Variants in UNC5D observed in about 807,000 individuals in gnomAD.
UNC5D encodes netrin receptor UNC5D.
In UNC5D, 39 loss-of-function variants were observed where a neutral mutation model predicts 105.4. That is an observed-to-expected ratio of 0.37 (90% CI 0.29 to 0.48). The LOEUF is 0.48. Ranked by LOEUF, UNC5D falls within the 20% of genes least tolerant of loss-of-function variation. UNC5D has a pLI of 0.98. For missense variants in UNC5D, 991 were observed against 1,202.4 expected (o/e 0.82, Z 2.60); for synonymous variants, 452 against 450.4 (o/e 1.00, Z -0.04).
intron 1 of UNC5D, among the ~76,000 whole-genome samples, chr8:35,355,047 G>A (rs958688535): frequency 3.9e-5 from 6 of 152,094 alleles, no homozygotes; most frequent in Non-Finnish European, 5.9e-5. Context: ...GTCTCTTTAG[G>A]ACTTGACTGG....
intron 1 of UNC5D, among the ~76,000 whole-genome samples, chr8:35,468,742 C>T (rs1489873556): frequency 6.6e-6 from 1 of 152,314 alleles, no homozygotes. Flanking sequence ...TGATTGCAGT[C>T]ACATTTTGCC....
intron 1 of UNC5D, among the ~76,000 whole-genome samples, chr8:35,373,598 G>A (rs990723386): frequency 6.6e-6 from 1 of 152,118 alleles, no homozygotes. Flanking sequence ...TCATGCAGCC[G>A]AGGGGCTCCC....
At chr8:35,255,463 ATGT>A (rs1056349772) in intron 1 of UNC5D, 2 of 152,174 alleles carry the variant, frequency 1.3e-5, no homozygotes, top group African/African-American at 4.8e-5. Flanking sequence ...CAGGATGAGG[ATGT>A]TGTGTGGATA....
intron 3 of UNC5D, among the ~76,000 whole-genome samples, chr8:35,592,433 C>T (rs147959601): frequency 9.9e-5 from 15 of 152,206 alleles, no homozygotes; most frequent in African/African-American, 2.4e-4. Flanking sequence ...AGTTCCTGTC[C>T]GTTTCTTTCA....
intron 1 of UNC5D, among the ~76,000 whole-genome samples, chr8:35,327,631 G>T (rs148925727): frequency 5.8e-4 from 88 of 152,000 alleles, no homozygotes; most frequent in African/African-American, 2.1e-3. Flanking sequence ...TATCTGTTGT[G>T]GGGGGGGGAT....
intron 1 of UNC5D, among the ~76,000 whole-genome samples, chr8:35,351,901 G>A (rs956374241): frequency 2.0e-5 from 3 of 152,044 alleles, no homozygotes; most frequent in African/African-American, 7.2e-5. Flanking sequence ...ATAGAAGGTA[G>A]AAACATGCAT....
At chr8:35,617,151 AAAC>A (rs1487241500) in intron 4 of UNC5D, among the ~76,000 whole-genome samples, 1 of 152,140 alleles carries the variant, frequency 6.6e-6, no homozygotes, top group African/African-American at 2.4e-5. Flanking sequence ...TAAAACAGAT[AAAC>A]AACGGCCACA....
intron 9 of UNC5D, among the ~76,000 whole-genome samples, chr8:35,725,663 A>G (rs1227859808): frequency 6.6e-6 from 1 of 152,162 alleles, no homozygotes; most frequent in Non-Finnish European, 1.5e-5. Flanking sequence ...TATGAAATGC[A>G]CTGGAACCGA....
intron 1 of UNC5D, among the ~76,000 whole-genome samples, chr8:35,294,036 C>T (rs140726419): frequency 4.6e-5 from 7 of 152,214 alleles, no homozygotes; most frequent in South Asian, 2.1e-4. Context: ...TTCCTGACTT[C>T]GGGGATAAAG....
chr8:35,350,491 A>G (rs968872763), intron 1 of UNC5D, among the ~76,000 whole-genome samples: 8 of 151,992 alleles, frequency 5.3e-5, no homozygotes, highest in African/African-American at 1.4e-4. Flanking sequence ...AATAATTTTC[A>G]TGAATAAAAC....
intron 13 of UNC5D, 45 bp from the exon 14 acceptor site, chr8:35,759,258 GGAAATATGTAAGTAGCA>G: frequency 3.2e-6 from 5 of 1,576,474 alleles, no homozygotes; most frequent in Non-Finnish European, 4.3e-6. Context: ...TCCCTAGATA[GGAAATATGTAAGTAGCA>G]GGATATTTCA....
At chr8:35,368,045 G>A (rs113467831) in intron 1 of UNC5D, among the ~76,000 whole-genome samples, 3,251 of 152,192 alleles carry the variant, frequency 0.021, 64 homozygotes, top group Non-Finnish European at 0.03. Context: ...GTGGGAAAGC[G>A]CATGGTGAAG....
chr8:35,435,427 T>A (rs1806942300), intron 1 of UNC5D, among the ~76,000 whole-genome samples: 1 of 152,124 alleles, frequency 6.6e-6, no homozygotes, highest in Admixed American at 6.6e-5. Context: ...GGCTAAAATG[T>A]ACTAACTTAG....
At chr8:35,549,534 G>C in intron 2 of UNC5D, 24 bp downstream of exon 2, 1 of 1,601,904 alleles carries the variant, frequency 6.2e-7, no homozygotes, top group East Asian at 2.2e-5. Flanking sequence ...GCAGTCAGAA[G>C]CAGCTGTGGT....
rs781523602 is a variant in UNC5D, at chr8:35,290,512, G to T, written c.103+54625G>T. Among the ~76,000 whole-genome samples, 46 of 152,034 alleles carry T rather than the reference G, an allele frequency of 3.0e-4. 1 individual carries two copies. The highest frequency in any genetic ancestry group is 4.1e-4 in the Non-Finnish European group (28 of 67,990). On this transcript the variant is annotated intron_variant, in intron 1 of 16. Transcript: ENST00000404895. ...TTGGGGAGGGAGGGAATGAGAAGTT[G>T]TTAATCAAAGGTTACCAAGTTTCTA...
intron 6 of UNC5D, among the ~76,000 whole-genome samples, chr8:35,686,043 T>G (rs143992173): frequency 4.5e-3 from 691 of 152,184 alleles, no homozygotes; most frequent in African/African-American, 0.014. Flanking sequence ...TCCTGGTGTC[T>G]TGGGGTTTGA....
chr8:35,476,005 G>T (rs1810066733), intron 1 of UNC5D, among the ~76,000 whole-genome samples: 1 of 152,142 alleles, frequency 6.6e-6, no homozygotes, highest in Non-Finnish European at 1.5e-5. Flanking sequence ...GCCTTTTGAG[G>T]ACAGTGTTTT....
At chr8:35,469,309 C>A (rs1409515528) in intron 1 of UNC5D, among the ~76,000 whole-genome samples, 1 of 152,066 alleles carries the variant, frequency 6.6e-6, no homozygotes, top group East Asian at 1.9e-4. Context: ...TAATAATTTG[C>A]CTAATAGCAT....
rs111516361 is a variant in UNC5D, at chr8:35,533,767, C to G, written c.104-15525C>G. On this transcript the variant is annotated intron_variant, in intron 1 of 16. Transcript: ENST00000404895. ...TCTCGTGGTTCGCCGTTTTTTTAGCCGGTCTGAAAAGCACAATATTCGGGT... is the reference window on the plus strand; with the variant it reads ...TCTCGTGGTTCGCCGTTTTTTTAGCGGGTCTGAAAAGCACAATATTCGGGT... Among the ~76,000 whole-genome samples, 3 of 152,110 alleles carry G rather than the reference C, an allele frequency of 2.0e-5. No individual in the cohort carries two copies. The South Asian group carries it at 6.2e-4, about 32-fold the overall frequency.
Sources: gnomAD v4.1 joint callset for allele counts (sites outside exome capture counted in the v4.1 genomes callset) on GRCh38, gnomAD v4.1.1 for gene constraint, MANE v1.5 for transcripts, NCBI Gene and HGNC (gene_info 2026-07-23, HGNC 2026-07-21) for gene names.